PPP1R21: variants seen among roughly 807,000 people sequenced by gnomAD.
PPP1R21 encodes KLRAQ motif containing 1.
In PPP1R21, 85 loss-of-function variants were observed where a neutral mutation model predicts 112.8. The observed-to-expected ratio is 0.75, with a 90% CI of 0.63 to 0.90. The LOEUF is 0.90. Among genes scored for constraint, PPP1R21 ranks in the 40% least tolerant of loss-of-function variants. The pLI, the probability that PPP1R21 is intolerant of heterozygous loss-of-function variation, is 0.00. For synonymous variants in PPP1R21, 381 were observed against 322.3 expected (o/e 1.18, Z -1.95); for missense variants, 1,199 against 901.5 (o/e 1.33, Z -4.23).
At position 48,443,185 on chromosome 2, in the gene PPP1R21, C is replaced by G. The variant is rs565278083; in HGVS notation, c.57+2175C>G. On this transcript the variant is annotated intron_variant, in intron 1 of 21. Transcript: ENST00000294952. ...AAGGCACTCATCCTTGTGTCTCATT[C>G]ATTTTGGGACTTGGTGAATGTGGGA... Among the ~76,000 whole-genome samples the G allele has an allele frequency of 5.9e-5, 9 of 152,234 alleles. No individual in the cohort carries two copies. In the South Asian group the frequency reaches 1.9e-3, roughly 32 times the overall value.
intron 21 of PPP1R21, among the ~76,000 whole-genome samples, chr2:48,513,214 T>G (rs1180358345): frequency 6.6e-6 from 1 of 152,034 alleles, no homozygotes; most frequent in Non-Finnish European, 1.5e-5. Flanking sequence ...TCTGACTTTT[T>G]TTTTTTCTTT....
intron 9 of PPP1R21, among the ~76,000 whole-genome samples, 166 bp downstream of exon 9, chr2:48,465,808 C>G (rs1356476004): frequency 1.3e-5 from 2 of 152,180 alleles, no homozygotes; most frequent in African/African-American, 2.4e-5. Context: ...AATAGAGATT[C>G]TTAAGAAATT....
chr2:48,474,751 A>C lies in PPP1R21; in HGVS notation c.1157A>C (p.Gln386Pro), dbSNP rs775037756. 1 of 1,613,438 alleles carries C rather than the reference A, an allele frequency of 6.2e-7. No individual in the cohort carries two copies. The highest frequency in any genetic ancestry group is 1.7e-5 in the Admixed American group (1 of 59,984). Reference sequence around the variant, plus strand: ...AGAGCCAGGAATCTAGAGCTGTCCCAGGACATGAAAAAAATGACAGCTGTG... The same window carrying C: ...AGAGCCAGGAATCTAGAGCTGTCCCCGGACATGAAAAAAATGACAGCTGTG... ...ALRARNLELS[Q>P]DMKKMTAVFE... Residue 386 changes from glutamine (Q) to proline (P), a missense_variant, in exon 12 of 22, where the codon CAG becomes CCG. By Grantham distance (76) the Gln-to-Pro change is moderately conservative. Transcript: ENST00000294952.
At chr2:48,450,605 TTGTA>T (rs1379836253) in intron 1 of PPP1R21, among the ~76,000 whole-genome samples, 7 of 152,172 alleles carry the variant, frequency 4.6e-5, no homozygotes, top group African/African-American at 1.7e-4. Flanking sequence ...ATTAGTCCAG[TTGTA>T]TGTATTTTAC....
At position 48,460,107 on chromosome 2, in the gene PPP1R21, A is replaced by C. The variant is rs748018707; in HGVS notation, c.553A>C (p.Thr185Pro). Reference sequence around the variant, plus strand: ...TTCTGAAATTCAGGTGAAATCTCAGACTCTAGAAAAGGAAGCCAAGGAATG... The same window carrying C: ...TTCTGAAATTCAGGTGAAATCTCAGCCTCTAGAAAAGGAAGCCAAGGAATG... ...DKAKLEVKSQ[T>P]LEKEAKECRL... Residue 185 changes from threonine (T) to proline (P), a missense_variant, in exon 6 of 22, where the codon ACT becomes CCT. By Grantham distance (38) the Thr-to-Pro change is conservative. Coordinates refer to ENST00000294952, the MANE Select transcript of PPP1R21 (RefSeq NM_001135629.3). 1 of 1,614,074 alleles carries C rather than the reference A, an allele frequency of 6.2e-7. No homozygotes were observed. Among genetic ancestry groups the C allele is most frequent in the Non-Finnish European group, 8.5e-7 (1 of 1,180,006 alleles).
chr2:48,511,362 G>A lies in PPP1R21; in HGVS notation c.2207G>A (p.Arg736Lys), dbSNP rs374583704. ...TAGGATGAGCTGACAACTACCAAGA[G>A]GAGTTACGAGGATCAGTTAAGTATG... is the stretch of plus-strand genomic sequence containing the variant. The part of the protein sequence containing the change: ...RLQDELTTTK[R>K]SYEDQLSMMS... Residue 736 changes from arginine (R) to lysine (K), a missense_variant, in exon 21 of 22, where the codon AGG becomes AAG. By Grantham distance (26) the Arg-to-Lys change is conservative. Coordinates refer to ENST00000294952, the MANE Select transcript of PPP1R21 (RefSeq NM_001135629.3). 2 of 1,613,680 alleles carry A rather than the reference G, an allele frequency of 1.2e-6. No individual in the cohort carries two copies. The highest frequency in any genetic ancestry group is 2.2e-5 in the East Asian group (1 of 44,856).
At position 48,507,749 on chromosome 2, in the gene PPP1R21, C is replaced by CTTTTTTTTTTTTTTTTTTTTTTTTTT. The variant is rs34546075; in HGVS notation, c.2085+373_2085+398dup. Among the ~76,000 whole-genome samples the CTTTTTTTTTTTTTTTTTTTTTTTTTT allele has an allele frequency of 1.2e-4, 5 of 42,392 alleles. 1 individual carries two copies. The highest frequency in any genetic ancestry group is 1.9e-4 in the Non-Finnish European group (5 of 25,836). 27.8% of individuals were successfully genotyped at this position (42,392 alleles called of 152,430 possible). A position where few individuals can be genotyped will look rare whatever the true frequency, so the allele number is the denominator to read the frequency against. The stretch of plus-strand genomic sequence containing the variant: ...AAGACTGATTTGAGTGAGGCTCTGC[C>CTTTTTTTTTTTTTTTTTTTTTTTTTT]TTTTTTTTTTTTTTTTTTTTTTTTT... On this transcript the variant is annotated intron_variant, in intron 19 of 21. Coordinates refer to ENST00000294952, the MANE Select transcript of PPP1R21 (RefSeq NM_001135629.3).
At position 48,507,341 on chromosome 2, in the gene PPP1R21, C is replaced by G; in HGVS notation, c.2041C>G (p.Gln681Glu). The G allele has an allele frequency of 6.3e-7, 1 of 1,595,784 alleles. No individual in the cohort carries two copies. The highest frequency in any genetic ancestry group is 1.4e-5 in the African/African-American group (1 of 73,642). ...GGCAAGGATAGTGGAACTTACGTCT[C>G]AGTTGCAGCTGGCTGACAGTAAGTC... ...YMARIVELTS[Q>E]LQLADSKSVH... is the part of the protein sequence containing the mutation. The change falls in exon 19 of 22, where the codon CAG (glutamine) becomes GAG (glutamate). Residue 681 changes from glutamine (Q) to glutamate (E), a missense_variant. Gln to Glu is a conservative substitution (Grantham distance 29, BLOSUM62 2). Transcript: ENST00000294952.
In PPP1R21 at chr2:48,440,789, G is replaced by A; in HGVS notation, c.-165G>A. On this transcript the variant is annotated 5_prime_UTR_variant, in exon 1 of 22. Coordinates refer to ENST00000294952, the MANE Select transcript of PPP1R21 (RefSeq NM_001135629.3). ...CCACTCCACCTTCCTCCCACCCCGG[G>A]AACCCGGAAGTGGAGGAGGAGGCGC... 3 of 624,334 alleles carry A rather than the reference G, an allele frequency of 4.8e-6. No homozygotes were observed. Among genetic ancestry groups the A allele is most frequent in the Admixed American group, 2.9e-5 (1 of 34,016 alleles). 38.7% of individuals were successfully genotyped at this position (624,334 alleles called of 1,614,324 possible).
At chr2:48,510,702 G>A (rs2103676822) in intron 20 of PPP1R21, among the ~76,000 whole-genome samples, 1 of 152,294 alleles carries the variant, frequency 6.6e-6, no homozygotes, top group South Asian at 2.1e-4. Context: ...GAGAGATGAA[G>A]GGTGCTTCTT....
chr2:48,454,238 G>T (rs1158625714), intron 2 of PPP1R21, among the ~76,000 whole-genome samples: 1 of 152,032 alleles, frequency 6.6e-6, no homozygotes, highest in Non-Finnish European at 1.5e-5. Context: ...TCCAGCCTGG[G>T]CAATAGAGCG....
At chr2:48,467,784 C>T (rs1668269946) in intron 9 of PPP1R21, among the ~76,000 whole-genome samples, 1 of 152,144 alleles carries the variant, frequency 6.6e-6, no homozygotes, top group Non-Finnish European at 1.5e-5. Flanking sequence ...GAGGGTAGTA[C>T]ACAAAACCAA....
chr2:48,495,889 G>T, intron 16 of PPP1R21, 118 bp downstream of exon 16: 1 of 649,784 alleles, frequency 1.5e-6, no homozygotes, highest in East Asian at 2.7e-5. Flanking sequence ...CATGTGAAAT[G>T]AATTGTTTAA....
chr2:48,470,485 A>C (rs899113466), intron 9 of PPP1R21, among the ~76,000 whole-genome samples: 7 of 148,308 alleles, frequency 4.7e-5, no homozygotes, highest in Non-Finnish European at 1.0e-4. Context: ...CCGCCACTGC[A>C]CTCCAGCTTG....
intron 6 of PPP1R21, 68 bp downstream of exon 6, chr2:48,460,221 G>T (rs781648368): frequency 1.2e-5 from 17 of 1,458,484 alleles, no homozygotes; most frequent in Non-Finnish European, 1.6e-5. Flanking sequence ...TTTGGTTGTA[G>T]CAGCTCCTCT....
At position 48,459,886 on chromosome 2, in the gene PPP1R21, G is replaced by C; in HGVS notation, c.508G>C (p.Glu170Gln). ...GLTRKYMETI[E>Q]KLQNDKAKLE... ...CACCCGGAAGTACATGGAAACCATT[G>C]AGAAGCTGCAGAACGACAAGGCTAA... Residue 170 changes from glutamate (E) to glutamine (Q), a missense_variant, in exon 5 of 22, where the codon GAG becomes CAG. Physicochemically the swap from Glu to Gln is conservative, Grantham distance 29. Transcript: ENST00000294952. 1 of 1,614,190 alleles carries C rather than the reference G, an allele frequency of 6.2e-7. No individual in the cohort carries two copies. The highest frequency in any genetic ancestry group is 8.5e-7 in the Non-Finnish European group (1 of 1,180,040).
In PPP1R21 at chr2:48,486,599, A is replaced by C. The variant is rs370368211; in HGVS notation, c.1319-32A>C. 4.6e-6 allele frequency: 7 copies of C among 1,521,984 alleles called. No homozygotes were observed. The East Asian group carries it at 1.6e-4, about 34-fold the overall frequency. The allele number at this position is 1,521,984 out of a possible 1,614,324, so 94.3% of individuals were successfully genotyped here. A position where few individuals can be genotyped will look rare whatever the true frequency, so the allele number is the denominator to read the frequency against. ...ATCTGTATGTGACTTATATATAGAT[A>C]ATAATGAATTTTCATGTAATTGCTT... On this transcript the variant is annotated intron_variant, in intron 13 of 21. Coordinates refer to ENST00000294952, the MANE Select transcript of PPP1R21 (RefSeq NM_001135629.3).
rs775891368 is a variant in PPP1R21 at position 48,471,363 on chromosome 2, A to T, written c.1084A>T (p.Lys362Ter). The change falls in exon 11 of 22, where the codon AAA becomes TAA. Residue 362 changes from lysine to a stop codon, truncating the protein, a stop_gained. Coordinates refer to ENST00000294952, the MANE Select transcript of PPP1R21 (RefSeq NM_001135629.3). LOFTEE classifies it high-confidence loss of function. Reference sequence around the variant, plus strand: ...TAGGAAGATTCTTCCCTATCAGTTAAAAAGGTAGTTACCCCCGGAGGCCAG... The same window carrying T: ...TAGGAAGATTCTTCCCTATCAGTTATAAAGGTAGTTACCCCCGGAGGCCAG... Reference protein sequence around the residue: ...FLRKILPYQLKSLEEECESSL... With the variant: ...FLRKILPYQL 6.2e-7 allele frequency: 1 copy of T among 1,606,578 alleles called. No homozygotes were observed. Among genetic ancestry groups the T allele is most frequent in the Non-Finnish European group, 8.5e-7 (1 of 1,177,728 alleles).
At chr2:48,511,574 T>G in intron 21 of PPP1R21, 106 bp downstream of exon 21, 2 of 1,406,364 alleles carry the variant, frequency 1.4e-6, no homozygotes, top group Non-Finnish European at 9.7e-7. Context: ...TTAAAGTGTT[T>G]GTAAGGGCCA....
Sources: allele counts gnomAD v4.1 joint callset (sites outside exome capture counted in the v4.1 genomes callset), GRCh38; gene constraint gnomAD v4.1.1; transcripts MANE v1.5; gene names NCBI Gene and HGNC (gene_info 2026-07-23, HGNC 2026-07-21).